Variants in ARHGAP23 observed in about 807,000 individuals in gnomAD.
The protein encoded by ARHGAP23 is rho GTPase-activating protein 23.
A neutral mutation model predicts 136.3 loss-of-function variants in ARHGAP23; 34 were observed. The ratio of observed to expected loss-of-function variants is 0.25; its 90% CI spans 0.19 to 0.33. The LOEUF is 0.33. Among genes scored for constraint, ARHGAP23 ranks in the 10% least tolerant of loss-of-function variants. The probability of loss-of-function intolerance (pLI) is 1.00; values close to 1 mark genes in which losing one functional copy is unlikely to be tolerated. For synonymous variants in ARHGAP23, 832 were observed against 920.5 expected, an observed-to-expected ratio of 0.90 and a Z score of 1.74; for missense variants, 1,808 against 2,139.0, an observed-to-expected ratio of 0.85 and a Z score of 3.05.
Position 38,477,609 on chromosome 17 carries a change from C to A in ARHGAP23, c.2149C>A (p.Arg717=). The change falls in exon 12 of 24, where the codon CGG becomes AGG. Residue 717 remains arginine (R), a synonymous_variant. Transcript: ENST00000622683. The surrounding 1 kb of genome is among the most constrained non-coding windows in gnomAD (Gnocchi z 6.6). ...GGGCAGCGGCCTGCGCCAGTGGAAG[C>A]GGGTGTACGCCGCGCTGCGGGCGCG... ...KAGSGLRQWK[R]VYAALRARSL... is the part of the protein sequence containing the mutation. 7.8e-7 allele frequency: 1 copy of A among 1,278,068 alleles called. No individual in the cohort carries two copies. Among genetic ancestry groups the A allele is most frequent in the African/African-American group, 1.6e-5 (1 of 63,698 alleles). The allele number at this position is 1,278,068 out of a possible 1,614,324, so 79.2% of individuals were successfully genotyped here.
At chr17:38,493,203 T>A (rs1567822462) in intron 20 of ARHGAP23, among the ~76,000 whole-genome samples, 1 of 67,228 alleles carries the variant, frequency 1.5e-5, no homozygotes, top group African/African-American at 3.3e-5. Context: ...GCTTTTTTTT[T>A]GTTTTTTTGT....
intron 16 of ARHGAP23, among the ~76,000 whole-genome samples, chr17:38,485,586 A>G (rs1369945658): frequency 2.0e-5 from 3 of 152,162 alleles, no homozygotes; most frequent in African/African-American, 4.8e-5. Context: ...TGCTTTAGCT[A>G]TGAGGGTCAG....
At chr17:38,489,525 C>T (rs745893507) in intron 17 of ARHGAP23, among the ~76,000 whole-genome samples, 13 of 152,114 alleles carry the variant, frequency 8.5e-5, no homozygotes, top group African/African-American at 2.2e-4. Flanking sequence ...CCGTGCCAGC[C>T]GGCTTCAGTT....
chr17:38,480,006 C>T (rs1443490591), intron 14 of ARHGAP23, 123 bp downstream of exon 14: 18 of 1,367,114 alleles, frequency 1.3e-5, no homozygotes, highest in Middle Eastern at 2.6e-4. Context: ...CCAGGGCTAC[C>T]GGTATGTCTG....
intron 1 of ARHGAP23, among the ~76,000 whole-genome samples, chr17:38,421,663 A>T (rs2038521882): frequency 6.6e-6 from 1 of 152,160 alleles, no homozygotes; most frequent in African/African-American, 2.4e-5. Context: ...CGGGGGCTGG[A>T]ACTGCTGGGT....
intron 2 of ARHGAP23, among the ~76,000 whole-genome samples, chr17:38,459,092 C>G (rs1247044503): frequency 6.6e-6 from 1 of 152,174 alleles, no homozygotes; most frequent in Non-Finnish European, 1.5e-5. Flanking sequence ...GCTCTGCTCC[C>G]ATCACCACTT....
intron 2 of ARHGAP23, 114 bp downstream of exon 2, chr17:38,458,377 T>C (rs1418061069): frequency 5.9e-6 from 8 of 1,364,534 alleles, no homozygotes; most frequent in Non-Finnish European, 6.8e-6. Flanking sequence ...CAGTCCTTCC[T>C]GGGGTCCGGC....
chr17:38,487,951 G>T (rs1369217168), intron 17 of ARHGAP23, among the ~76,000 whole-genome samples: 1 of 152,070 alleles, frequency 6.6e-6, no homozygotes, highest in Non-Finnish European at 1.5e-5. Context: ...GCCCAGACTG[G>T]AATGCAGTGG....
chr17:38,500,913 T>C, intron 23 of ARHGAP23: 1 of 451,684 alleles, frequency 2.2e-6, no homozygotes, highest in South Asian at 4.3e-5. Context: ...AGTCAGACAG[T>C]CCTGGGTTTG....
intron 1 of ARHGAP23, among the ~76,000 whole-genome samples, chr17:38,448,561 G>C (rs574184471): frequency 6.6e-6 from 1 of 151,752 alleles, no homozygotes; most frequent in Non-Finnish European, 1.5e-5. Context: ...GTAGAGATAG[G>C]GCTCTGACTC....
intron 1 of ARHGAP23, among the ~76,000 whole-genome samples, chr17:38,436,144 C>T (rs538355419): frequency 1.6e-4 from 24 of 152,270 alleles, no homozygotes; most frequent in African/African-American, 5.8e-4. Flanking sequence ...AGGTTGGGTC[C>T]AGAGCCCAGG....
At chr17:38,452,937 G>T (rs1029638266) in intron 1 of ARHGAP23, among the ~76,000 whole-genome samples, 7 of 152,224 alleles carry the variant, frequency 4.6e-5, no homozygotes, top group African/African-American at 1.7e-4. Context: ...GGGAAGGAGG[G>T]TGGTTCCCAC....
chr17:38,465,498 C>T (rs1029189332), intron 6 of ARHGAP23, among the ~76,000 whole-genome samples: 2 of 152,238 alleles, frequency 1.3e-5, no homozygotes, highest in African/African-American at 4.8e-5. Flanking sequence ...GGAGCTGACT[C>T]CTTTTTTGGC....
At chr17:38,422,553 C>T (rs147605126) in intron 1 of ARHGAP23, among the ~76,000 whole-genome samples, 106 of 152,266 alleles carry the variant, frequency 7.0e-4, no homozygotes, top group African/African-American at 2.2e-3. Flanking sequence ...GATTTTCTGT[C>T]GGCCACCTCC....
chr17:38,510,075 G>A lies in ARHGAP23; in HGVS notation c.3579G>A (p.Ser1193=), dbSNP rs1004884343. Residue 1193 remains serine (S), a synonymous_variant, in exon 24 of 24, where the codon TCG becomes TCA. Coordinates refer to ENST00000622683, the MANE Select transcript of ARHGAP23 (RefSeq NM_001199417.2). The surrounding 1 kb of genome is among the most constrained non-coding windows in gnomAD (Gnocchi z 4.6). ...TGGGCAGCAGCACCGACGACGACTC[G>A]GAGCAGGAGGCGCACAAGCCTGGGG... ...RGLGSSTDDD[S]EQEAHKPGAG... 3.2e-6 allele frequency: 4 copies of A among 1,237,576 alleles called. No homozygotes were observed. In the African/African-American group the frequency reaches 4.7e-5, roughly 14 times the overall value. The allele number at this position is 1,237,576 out of a possible 1,614,324, so 76.7% of individuals were successfully genotyped here. A position where few individuals can be genotyped will look rare whatever the true frequency, so the allele number is the denominator to read the frequency against.
At chr17:38,419,642 A>G (rs1476213357) in intron 1 of ARHGAP23, among the ~76,000 whole-genome samples, 1 of 151,894 alleles carries the variant, frequency 6.6e-6, no homozygotes, top group Non-Finnish European at 1.5e-5. Context: ...GACACCTAGG[A>G]AGGCGTGTGC....
At chr17:38,428,755 G>A (rs2038618847) in intron 1 of ARHGAP23, among the ~76,000 whole-genome samples, 1 of 152,172 alleles carries the variant, frequency 6.6e-6, no homozygotes, top group Non-Finnish European at 1.5e-5. Flanking sequence ...AGAGGGGTGG[G>A]AAGGACGGAA....
At chr17:38,483,279 G>A (rs1020991857) in intron 16 of ARHGAP23, among the ~76,000 whole-genome samples, 1 of 152,254 alleles carries the variant, frequency 6.6e-6, no homozygotes, top group Non-Finnish European at 1.5e-5. Flanking sequence ...AATATATGAT[G>A]TTTTCTAGAA....
Position 38,511,116 on chromosome 17 carries a change from G to C in ARHGAP23, c.*144G>C. ...GCGCAGCAGGCAGTGTCTCTAGTTG[G>C]TGTGCTGGAACTGGCAGGGCAGAGG... On this transcript the variant is annotated 3_prime_UTR_variant, in exon 24 of 24. Transcript: ENST00000622683. The C allele has an allele frequency of 3.3e-6, 3 of 902,498 alleles. No individual in the cohort carries two copies. The allele number at this position is 902,498 out of a possible 1,614,324, so 55.9% of individuals were successfully genotyped here. A position where few individuals can be genotyped will look rare whatever the true frequency, so the allele number is the denominator to read the frequency against.
Sources: allele counts gnomAD v4.1 joint callset (sites outside exome capture counted in the v4.1 genomes callset), GRCh38; gene constraint gnomAD v4.1.1; non-coding constraint Gnocchi (gnomAD v3.1); transcripts MANE v1.5; gene names NCBI Gene and HGNC (gene_info 2026-07-23, HGNC 2026-07-21).